The following WRN variants were observed in gnomAD, a reference collection of about 807,000 sequenced individuals.
The protein encoded by WRN is WRN RecQ like helicase, also known as bifunctional 3'-5' exonuclease/ATP-dependent helicase WRN.
Under a neutral mutation model 180.7 loss-of-function variants are expected in WRN, and 149 were observed. The ratio of observed to expected loss-of-function variants is 0.82; its 90% CI spans 0.72 to 0.94. The LOEUF is 0.94. Among genes scored for constraint, WRN ranks in the 40% least tolerant of loss-of-function variants. The pLI is 0.00. For missense variants in WRN, 1,661 were observed against 1,700.1 expected, an observed-to-expected ratio of 0.98 and a Z score of 0.40; for synonymous variants, 548 against 568.9, an observed-to-expected ratio of 0.96 and a Z score of 0.52.
At chr8:31,148,526 G>C (rs1415601113) in intron 30 of WRN, among the ~76,000 whole-genome samples, 2 of 151,916 alleles carry the variant, frequency 1.3e-5, no homozygotes, top group East Asian at 1.9e-4. Flanking sequence ...TTTATCACTT[G>C]TTGAAGATCC....
At position 31,064,303 on chromosome 8, in the gene WRN, A is replaced by T. The variant is rs1812609992; in HGVS notation, c.224A>T (p.Asp75Val). The T allele has an allele frequency of 6.2e-7, 1 of 1,614,070 alleles. No homozygotes were observed. The highest frequency in any genetic ancestry group is 8.5e-7 in the Non-Finnish European group (1 of 1,179,962). ...TCTCACTTTAGCATGAGTCTATCAGATGGGGATGTGGTGGGATTTGACATG... is the reference window on the plus strand; with the variant it reads ...TCTCACTTTAGCATGAGTCTATCAGTTGGGGATGTGGTGGGATTTGACATG... ...LSEDISMSLSDGDVVGFDMEW... is the reference protein window; with the variant it reads ...LSEDISMSLSVGDVVGFDMEW... The change falls in exon 4 of 35, where the codon GAT becomes GTT. Residue 75 changes from aspartate to valine, a missense_variant. Coordinates refer to ENST00000298139, the MANE Select transcript of WRN (RefSeq NM_000553.6).
chr8:31,047,138 A>ATTTTTTT (rs549940818), intron 1 of WRN, among the ~76,000 whole-genome samples: 1 of 115,314 alleles, frequency 8.7e-6, no homozygotes. Context: ...GGCAATGCTG[A>ATTTTTTT]TTTTTTTTTT....
At chr8:31,056,477 A>G (rs751233192) in intron 1 of WRN, among the ~76,000 whole-genome samples, 7 of 152,238 alleles carry the variant, frequency 4.6e-5, no homozygotes, top group Non-Finnish European at 1.0e-4. Flanking sequence ...TTCACTACAT[A>G]TGACGCATGT....
Position 31,037,680 on chromosome 8 carries a change from C to A in WRN, c.-77+3707C>A, listed in dbSNP as rs116034450. ...CATTGTGGGTTCTTGGCTCTTTTGT[C>A]AAAAATCAGTTGGCTATAAATATGT... On this transcript the variant is annotated intron_variant, in intron 1 of 34. Transcript: ENST00000298139. 7.4e-3 allele frequency among the ~76,000 whole-genome samples: 1,124 copies of A among 152,276 alleles called. 15 individuals carry two copies. The highest frequency in any genetic ancestry group is 0.026 in the African/African-American group (1,084 of 41,554).
At chr8:31,124,875 CTTTTA>C (rs761606574) in intron 22 of WRN, 28 bp from the exon 23 acceptor site, 43 of 1,583,602 alleles carry the variant, frequency 2.7e-5, no homozygotes, top group East Asian at 2.5e-4. Context: ...CGTTTCTGTT[CTTTTA>C]TTTAATTTAA....
At chr8:31,144,036 A>G (rs11574346) in intron 28 of WRN, among the ~76,000 whole-genome samples, 4,066 of 152,164 alleles carry the variant, frequency 0.027, 180 homozygotes, top group African/African-American at 0.089. Flanking sequence ...TCAAGACACT[A>G]TTTATTTTTC....
At chr8:31,077,640 C>T (rs530693244) in intron 8 of WRN, among the ~76,000 whole-genome samples, 2 of 152,332 alleles carry the variant, frequency 1.3e-5, no homozygotes, top group South Asian at 4.1e-4. Context: ...CCACCTTTTA[C>T]ATGACTTTTA....
intron 19 of WRN, among the ~76,000 whole-genome samples, chr8:31,112,969 G>A (rs1346921264): frequency 6.6e-6 from 1 of 151,906 alleles, no homozygotes; most frequent in Non-Finnish European, 1.5e-5. Context: ...ACTTTGGGAG[G>A]CAGACGTTGG....
In WRN at chr8:31,094,626, C is replaced by T. The variant is rs566808442; in HGVS notation, c.1899-2142C>T. Reference sequence around the variant, plus strand: ...CCTTCCAAAATGCTGGGATTACAGGCGTGAGCCACTCTGCCCGGCCTATTA... The same window carrying T: ...CCTTCCAAAATGCTGGGATTACAGGTGTGAGCCACTCTGCCCGGCCTATTA... On this transcript the variant is annotated intron_variant, in intron 16 of 34. Coordinates refer to ENST00000298139, the MANE Select transcript of WRN (RefSeq NM_000553.6). Among the ~76,000 whole-genome samples the T allele has an allele frequency of 3.1e-4, 47 of 152,226 alleles. No homozygotes were observed. The East Asian group carries it at 7.9e-3, about 26-fold the overall frequency.
rs180786407 is a variant in WRN at position 31,148,250 on chromosome 8, C to T, written c.3572+774C>T. Among the ~76,000 whole-genome samples, 82 of 151,762 alleles carry T rather than the reference C, an allele frequency of 5.4e-4. 1 individual carries two copies. Among genetic ancestry groups the T allele is most frequent in the Non-Finnish European group, 6.9e-4 (47 of 67,888 alleles). On this transcript the variant is annotated intron_variant, in intron 30 of 34. Transcript: ENST00000298139. The stretch of plus-strand genomic sequence containing the variant: ...ACGGGTTCCTTGTTGCCTGTCTATG[C>T]CTTCCTCCTCCTTCTTAATGACACC...
intron 7 of WRN, among the ~76,000 whole-genome samples, chr8:31,074,177 G>A (rs1011185573): frequency 2.6e-5 from 4 of 151,362 alleles, no homozygotes; most frequent in South Asian, 4.2e-4. Flanking sequence ...CACCCGCCTC[G>A]GCCTCCCAAA....
rs1813596844 is a variant in WRN at position 31,087,884 on chromosome 8, A to C, written c.1540A>C (p.Asn514His). Residue 514 changes from asparagine to histidine, a missense_variant, in exon 12 of 35, where the codon AAT (asparagine) becomes CAT (histidine). Asn to His is a moderately conservative substitution (Grantham distance 68). Coordinates refer to ENST00000298139, the MANE Select transcript of WRN (RefSeq NM_000553.6). ...PTKEEEEDDE[N>H]EANEGEEDDD... ...TAAAGAAGAAGAAGAAGATGATGAA[A>C]ATGAAGCTAATGAAGGGGAAGAAGA... 2 of 1,613,612 alleles carry C rather than the reference A, an allele frequency of 1.2e-6. No individual in the cohort carries two copies. The highest frequency in any genetic ancestry group is 1.7e-6 in the Non-Finnish European group (2 of 1,179,754).
At chr8:31,124,479 C>A in intron 21 of WRN, 43 bp from the exon 22 acceptor site, 4 of 1,444,206 alleles carry the variant, frequency 2.8e-6, no homozygotes, top group South Asian at 2.4e-5. Context: ...AAGAAAGTTG[C>A]CAATACAGTT....
At chr8:31,138,162 G>A (rs1802472769) in intron 24 of WRN, among the ~76,000 whole-genome samples, 2 of 151,814 alleles carry the variant, frequency 1.3e-5, no homozygotes, top group African/African-American at 2.4e-5. Context: ...GCTTTAGTAC[G>A]GCTACACAGT....
rs113274908 is a variant in WRN at position 31,149,698 on chromosome 8, C to A, written c.3573-643C>A. Among the ~76,000 whole-genome samples, 6 of 151,980 alleles carry A rather than the reference C, an allele frequency of 3.9e-5. 1 individual carries two copies. Among genetic ancestry groups the A allele is most frequent in the African/African-American group, 1.4e-4 (6 of 41,488 alleles). On this transcript the variant is annotated intron_variant, in intron 30 of 34. Coordinates refer to ENST00000298139, the MANE Select transcript of WRN (RefSeq NM_000553.6). ...CTGTGTTGTCCAGGCTGGTGTTGAA[C>A]TCCTGAGCTCAGGCAATCCACCCGC...
At chr8:31,107,426 A>T (rs1291405892) in intron 18 of WRN, among the ~76,000 whole-genome samples, 1 of 152,128 alleles carries the variant, frequency 6.6e-6, no homozygotes, top group Non-Finnish European at 1.5e-5. Flanking sequence ...CTGGCCATGG[A>T]CGTCATTGGA....
In WRN at chr8:31,170,031, G is replaced by A. The variant is rs116769947; in HGVS notation, c.4191+2801G>A. 2.7e-3 allele frequency among the ~76,000 whole-genome samples: 406 copies of A among 152,128 alleles called. 2 individuals carry two copies. Among genetic ancestry groups the A allele is most frequent in the African/African-American group, 8.9e-3 (370 of 41,474 alleles). On this transcript the variant is annotated intron_variant, in intron 34 of 34. Coordinates refer to ENST00000298139, the MANE Select transcript of WRN (RefSeq NM_000553.6). ...AGTGTATGCCTGTGGGCTATCTTGG[G>A]GTTCTCTTGTTATCAGACACCTCCC... is the stretch of plus-strand genomic sequence containing the variant.
chr8:31,165,474 C>T (rs946494750), intron 33 of WRN, among the ~76,000 whole-genome samples: 2 of 151,816 alleles, frequency 1.3e-5, no homozygotes, highest in African/African-American at 4.8e-5. Context: ...TAAATGGATG[C>T]AATTTATTTT....
chr8:31,141,453 A>G lies in WRN; in HGVS notation c.2991A>G (p.Gln997=), dbSNP rs1487585191. Residue 997 remains glutamine, a synonymous_variant, in exon 25 of 35, where the codon CAA becomes CAG. Coordinates refer to ENST00000298139, the MANE Select transcript of WRN (RefSeq NM_000553.6). ...RGSNSQRLAD[Q]YRRHSLFGTG... ...AGAATTCTCAGCGTCTTGCCGATCAATATCGCAGGCACAGTTTATTTGGCA... is the reference window on the plus strand; with the variant it reads ...AGAATTCTCAGCGTCTTGCCGATCAGTATCGCAGGCACAGTTTATTTGGCA... The G allele has an allele frequency of 1.2e-6, 2 of 1,614,058 alleles. No individual in the cohort carries two copies. The highest frequency in any genetic ancestry group is 1.7e-6 in the Non-Finnish European group (2 of 1,180,044).
Sources: gnomAD v4.1 joint callset for allele counts (sites outside exome capture counted in the v4.1 genomes callset) on GRCh38, gnomAD v4.1.1 for gene constraint, MANE v1.5 for transcripts, NCBI Gene and HGNC (gene_info 2026-07-23, HGNC 2026-07-21) for gene names.